Variants in PCDH9 observed in about 807,000 individuals in gnomAD.
PCDH9 encodes protocadherin 9, also known as protocadherin-9.
Under a neutral mutation model 70.6 loss-of-function variants are expected in PCDH9, and 24 were observed. That is an observed-to-expected ratio of 0.34 (90% CI 0.25 to 0.48). The LOEUF (loss-of-function observed/expected upper bound fraction) is 0.48. Ranked by LOEUF, PCDH9 falls within the 20% of genes least tolerant of loss-of-function variation. PCDH9 has a pLI of 0.99. For missense variants in PCDH9, 1,281 were observed against 1,503.6 expected (o/e 0.85, Z 2.45); for synonymous variants, 562 against 558.5 (o/e 1.01, Z -0.09).
At chr13:66,546,969 A>T (rs1961235070) in intron 4 of PCDH9, among the ~76,000 whole-genome samples, 1 of 152,218 alleles carries the variant, frequency 6.6e-6, no homozygotes, top group Non-Finnish European at 1.5e-5. Context: ...TCTGTAACCT[A>T]GACCATCTAG....
At chr13:66,940,300 T>C (rs1489411903) in intron 2 of PCDH9, among the ~76,000 whole-genome samples, 1 of 152,170 alleles carries the variant, frequency 6.6e-6, no homozygotes, top group Non-Finnish European at 1.5e-5. Context: ...AGTCATTTTG[T>C]CAGCTGAGTT....
intron 4 of PCDH9, among the ~76,000 whole-genome samples, chr13:66,321,515 A>G (rs1325482206): frequency 1.3e-5 from 2 of 151,834 alleles, no homozygotes; most frequent in Admixed American, 6.6e-5. Flanking sequence ...CTACCTTAGG[A>G]GCTAGTGCTC....
At chr13:66,660,039 A>T (rs1202541133) in intron 3 of PCDH9, among the ~76,000 whole-genome samples, 1 of 152,166 alleles carries the variant, frequency 6.6e-6, no homozygotes, top group African/African-American at 2.4e-5. Flanking sequence ...AATGCCTAAA[A>T]TCTTTCTCTT....
At chr13:66,626,495 A>C (rs1233891421) in intron 4 of PCDH9, among the ~76,000 whole-genome samples, 2 of 152,320 alleles carry the variant, frequency 1.3e-5, no homozygotes, top group Middle Eastern at 3.4e-3. Flanking sequence ...AGACCCCTCT[A>C]GGCAGATGAG....
At chr13:66,920,164 C>T (rs575478513) in intron 2 of PCDH9, among the ~76,000 whole-genome samples, 25 of 151,206 alleles carry the variant, frequency 1.7e-4, no homozygotes, top group African/African-American at 5.8e-4. Context: ...TTAATAAACC[C>T]ACACATTTTA....
chr13:66,928,365 C>G (rs1349831615), intron 2 of PCDH9, among the ~76,000 whole-genome samples: 1 of 152,016 alleles, frequency 6.6e-6, no homozygotes, highest in Non-Finnish European at 1.5e-5. Flanking sequence ...CTGTCTGGCT[C>G]TTAATATGGA....
rs557896623 is a variant in PCDH9, at chr13:66,706,920, C to T, written c.3139-75509G>A. On this transcript the variant is annotated intron_variant, in intron 3 of 4. Transcript: ENST00000377865. ...CCATATTTCCAGGCTGAGTGGGCATCAGGCCAGGGATGTTGGGGTGCTAGG... is the reference window on the plus strand; with the variant it reads ...CCATATTTCCAGGCTGAGTGGGCATTAGGCCAGGGATGTTGGGGTGCTAGG... 7.4e-4 allele frequency among the ~76,000 whole-genome samples: 113 copies of T among 152,290 alleles called. 2 individuals carry two copies. The highest frequency in any genetic ancestry group is 2.5e-3 in the African/African-American group (105 of 41,566).
intron 4 of PCDH9, among the ~76,000 whole-genome samples, chr13:66,339,141 C>T (rs942721889): frequency 6.6e-6 from 1 of 151,956 alleles, no homozygotes; most frequent in Admixed American, 6.6e-5. Context: ...CAACCCTCAG[C>T]GTGGCCACAG....
At chr13:66,401,037 G>GT (rs1296187455) in intron 4 of PCDH9, among the ~76,000 whole-genome samples, 1 of 152,158 alleles carries the variant, frequency 6.6e-6, no homozygotes, top group Admixed American at 6.6e-5. Context: ...TGGGGAAATC[G>GT]TAAGTGTGTG....
At chr13:66,346,109 C>T (rs944203715) in intron 4 of PCDH9, among the ~76,000 whole-genome samples, 2 of 152,114 alleles carry the variant, frequency 1.3e-5, no homozygotes, top group Admixed American at 1.3e-4. Context: ...TTGCTCACGA[C>T]CCAAATTATA....
intron 3 of PCDH9, among the ~76,000 whole-genome samples, chr13:66,714,326 G>T (rs2078839955): frequency 6.6e-6 from 1 of 151,792 alleles, no homozygotes; most frequent in Non-Finnish European, 1.5e-5. Flanking sequence ...TTAGCCAGGC[G>T]TGGTGGCGGG....
chr13:67,149,115 C>T (rs745682507), intron 2 of PCDH9, among the ~76,000 whole-genome samples: 6 of 152,178 alleles, frequency 3.9e-5, no homozygotes, highest in Non-Finnish European at 5.9e-5. Flanking sequence ...AGACCGACTA[C>T]ATGCCAATGA....
intron 4 of PCDH9, among the ~76,000 whole-genome samples, chr13:66,512,824 T>C (rs1261136741): frequency 6.6e-6 from 1 of 152,010 alleles, no homozygotes; most frequent in Admixed American, 6.6e-5. Context: ...TTTTTTGTTT[T>C]GTTTTGTTTT....
chr13:66,337,006 A>G (rs1207081996), intron 4 of PCDH9, among the ~76,000 whole-genome samples: 1 of 152,038 alleles, frequency 6.6e-6, no homozygotes, highest in African/African-American at 2.4e-5. Context: ...TGTCCTTATA[A>G]TAATTTTTTT....
Position 66,969,833 on chromosome 13 carries a change from T to G in PCDH9, c.3037-66228A>C, listed in dbSNP as rs144898003. Among the ~76,000 whole-genome samples, 858 of 152,166 alleles carry G rather than the reference T, an allele frequency of 5.6e-3. 7 individuals carry two copies. The highest frequency in any genetic ancestry group is 0.019 in the African/African-American group (801 of 41,548). On this transcript the variant is annotated intron_variant, in intron 2 of 4. Coordinates refer to ENST00000377865, the MANE Select transcript of PCDH9 (RefSeq NM_203487.3). ...ATATAAATCTGAAATGGGACATGTA[T>G]ACACTCTCGAAGCACAATTAGCTGC...
chr13:66,636,009 T>G (rs1472941319), intron 3 of PCDH9, among the ~76,000 whole-genome samples: 3 of 152,166 alleles, frequency 2.0e-5, no homozygotes, highest in Non-Finnish European at 4.4e-5. Context: ...ATATGTATAA[T>G]CTATTGTTAA....
At chr13:66,801,824 A>T (rs923468909) in intron 3 of PCDH9, among the ~76,000 whole-genome samples, 1 of 152,118 alleles carries the variant, frequency 6.6e-6, no homozygotes, top group Non-Finnish European at 1.5e-5. Flanking sequence ...TCTTTAGAAC[A>T]TTAAAAAAAT....
chr13:67,205,561 A>G (rs943680388), intron 2 of PCDH9: 1 of 152,150 alleles, frequency 6.6e-6, no homozygotes, highest in Non-Finnish European at 1.5e-5. Flanking sequence ...TGAACACATA[A>G]ATCTTTTTTA....
intron 2 of PCDH9, among the ~76,000 whole-genome samples, chr13:66,931,456 C>A (rs1256096162): frequency 6.6e-6 from 1 of 151,902 alleles, no homozygotes. Flanking sequence ...AATTACTTGG[C>A]CAATCAGAAG....
Sources: gnomAD v4.1 joint callset for allele counts (sites outside exome capture counted in the v4.1 genomes callset) on GRCh38, gnomAD v4.1.1 for gene constraint, MANE v1.5 for transcripts, NCBI Gene and HGNC (gene_info 2026-07-23, HGNC 2026-07-21) for gene names.